ZNF333: variants seen among roughly 807,000 people sequenced by gnomAD.
ZNF333 encodes the protein zinc finger protein 333.
In ZNF333, 61 loss-of-function variants were observed where a neutral mutation model predicts 76.1. The observed-to-expected ratio is 0.80, with a 90% CI of 0.65 to 0.99. The LOEUF (loss-of-function observed/expected upper bound fraction) is 0.99, where lower values mean the gene tolerates loss of function less well. Ranked by LOEUF, ZNF333 falls within the 50% of genes least tolerant of loss-of-function variation. The pLI, the probability that ZNF333 is intolerant of heterozygous loss-of-function variation, is 0.00. For missense variants in ZNF333, 717 were observed against 822.4 expected, an observed-to-expected ratio of 0.87 and a Z score of 1.57; for synonymous variants, 284 against 305.0, an observed-to-expected ratio of 0.93 and a Z score of 0.72.
At chr19:14,725,310 A>G (rs1390646626), downstream of ZNF333, among the ~76,000 whole-genome samples, 1 of 152,168 alleles carries the variant, frequency 6.6e-6, no homozygotes, top group Non-Finnish European at 1.5e-5. Flanking sequence ...CATCTCCAAT[A>G]TTGGGGATTA....
chr19:14,700,954 C>T (rs891533959), intron 5 of ZNF333, among the ~76,000 whole-genome samples: 1 of 152,164 alleles, frequency 6.6e-6, no homozygotes, highest in African/African-American at 2.4e-5. Flanking sequence ...AGCCTCAACC[C>T]TGTGCAGCTT....
chr19:14,706,963 C>T, intron 7 of ZNF333, 190 bp downstream of exon 7: 1 of 528,860 alleles, frequency 1.9e-6, no homozygotes, highest in Non-Finnish European at 3.3e-6. Flanking sequence ...AGTGACAGAT[C>T]TTTAAGAAAG....
chr19:14,717,870 GGA>G, intron 11 of ZNF333, 137 bp downstream of exon 11: 1 of 807,620 alleles, frequency 1.2e-6, no homozygotes, highest in Non-Finnish European at 2.0e-6. Context: ...CAGTTTCTTG[GGA>G]GAGAGTCCGT....
At chr19:14,694,199 G>A (rs1003903949) in intron 2 of ZNF333, among the ~76,000 whole-genome samples, 2 of 151,972 alleles carry the variant, frequency 1.3e-5, no homozygotes, top group Non-Finnish European at 1.5e-5. Flanking sequence ...GAGGCCGGGC[G>A]TGGTGGCTCA....
intron 7 of ZNF333, among the ~76,000 whole-genome samples, chr19:14,714,039 G>C (rs1485123352): frequency 6.6e-6 from 1 of 152,156 alleles, no homozygotes; most frequent in Non-Finnish European, 1.5e-5. Flanking sequence ...GAGGTCACTG[G>C]TGATTCCAGG....
chr19:14,691,356 G>T (rs1423537651), intron 1 of ZNF333, among the ~76,000 whole-genome samples: 2 of 152,152 alleles, frequency 1.3e-5, no homozygotes, highest in Non-Finnish European at 2.9e-5. Context: ...GAACTTCAGG[G>T]AAAAGACGAT....
chr19:14,701,311 C>T (rs2041950842), intron 5 of ZNF333, among the ~76,000 whole-genome samples: 1 of 152,130 alleles, frequency 6.6e-6, no homozygotes, highest in Non-Finnish European at 1.5e-5. Context: ...ATCATAGCTC[C>T]CTGTAGCTTT....
Position 14,720,600 on chromosome 19 carries a change from CT to C in ZNF333, c.*1279del, listed in dbSNP as rs2042565347. 1.0e-6 allele frequency: 1 copy of C among 985,094 alleles called. No homozygotes were observed. The allele number at this position is 985,094 out of a possible 1,614,324, so 61.0% of individuals were successfully genotyped here. A position where few individuals can be genotyped will look rare whatever the true frequency, so the allele number is the denominator to read the frequency against. On this transcript the variant is annotated 3_prime_UTR_variant, in exon 12 of 12. Coordinates refer to ENST00000292530, the MANE Select transcript of ZNF333 (RefSeq NM_032433.4). ...ATGCACTTCTTACTGGTACAGTTTT[CT>C]TTTGTTTGTTTTTGTTTTTGGTGGG...
chr19:14,692,341 G>C (rs1246395895), intron 1 of ZNF333, among the ~76,000 whole-genome samples: 1 of 152,160 alleles, frequency 6.6e-6, no homozygotes, highest in Non-Finnish European at 1.5e-5. Context: ...GAGGAAACTT[G>C]AGAGAACATT....
chr19:14,700,565 T>C (rs2398597), intron 5 of ZNF333, among the ~76,000 whole-genome samples: 110,059 of 152,084 alleles, frequency 0.72, 41,495 homozygotes, highest in African/African-American at 0.93. Flanking sequence ...GCCTTCCATA[T>C]GAGCTTGTAC....
downstream of ZNF333, among the ~76,000 whole-genome samples, chr19:14,726,311 G>A (rs1410452695): frequency 1.3e-5 from 2 of 152,122 alleles, no homozygotes; most frequent in Non-Finnish European, 2.9e-5. Context: ...GGTTTGTGAT[G>A]GGAGAGGTGG....
chr19:14,702,826 T>C (rs564090659), intron 5 of ZNF333, among the ~76,000 whole-genome samples: 1 of 152,138 alleles, frequency 6.6e-6, no homozygotes, highest in South Asian at 2.1e-4. Context: ...ACTTACAACA[T>C]GGCGGCAGGG....
Position 14,693,430 on chromosome 19 carries a change from TCA to T in ZNF333, c.-41-20_-41-19del. ...TTCCGTCCTCACCCCTTCTTTTACCTCAGTGTCTCCTTTATTGCAGGGAGAAC... is the reference window on the plus strand; with the variant it reads ...TTCCGTCCTCACCCCTTCTTTTACCTGTGTCTCCTTTATTGCAGGGAGAAC... On this transcript the variant is annotated intron_variant, in intron 1 of 11. Coordinates refer to ENST00000292530, the MANE Select transcript of ZNF333 (RefSeq NM_032433.4). 2 of 1,567,710 alleles carry T rather than the reference TCA, an allele frequency of 1.3e-6. No homozygotes were observed. Among genetic ancestry groups the T allele is most frequent in the Middle Eastern group, 1.7e-4 (1 of 5,816 alleles).
At chr19:14,700,570 T>C (rs1973602901) in intron 5 of ZNF333, among the ~76,000 whole-genome samples, 1 of 152,172 alleles carries the variant, frequency 6.6e-6, no homozygotes, top group Non-Finnish European at 1.5e-5. Context: ...CCATATGAGC[T>C]TGTACATTAA....
At chr19:14,698,624 G>A (rs1973405184) in intron 4 of ZNF333, among the ~76,000 whole-genome samples, 1 of 151,910 alleles carries the variant, frequency 6.6e-6, no homozygotes, top group East Asian at 1.9e-4. Flanking sequence ...TGGATCACAA[G>A]GTCAGGAGTT....
chr19:14,725,447 A>G (rs1177925452), downstream of ZNF333, among the ~76,000 whole-genome samples: 4 of 152,190 alleles, frequency 2.6e-5, no homozygotes, highest in East Asian at 7.7e-4. Context: ...CCCCAAAGTC[A>G]TAAGTTGTTC....
intron 7 of ZNF333, chr19:14,708,070 C>T (rs904812083): frequency 6.1e-5 from 24 of 393,470 alleles, no homozygotes; most frequent in South Asian, 1.3e-4. Context: ...TGCAGTGGCA[C>T]GATCTCGGCT....
intron 8 of ZNF333, 42 bp from the exon 9 acceptor site, chr19:14,716,070 G>C (rs753848004): frequency 8.7e-6 from 14 of 1,611,688 alleles, no homozygotes; most frequent in East Asian, 2.2e-5. Flanking sequence ...GCGTACTGGT[G>C]GGGGTGGTCC....
chr19:14,723,677 TG>T (rs1473992841), downstream of ZNF333, among the ~76,000 whole-genome samples: 16 of 152,366 alleles, frequency 1.1e-4, no homozygotes, highest in Middle Eastern at 3.4e-3. Context: ...GAAATGCAAC[TG>T]TTTTTTTGTG....
Sources: gnomAD v4.1 joint callset for allele counts (sites outside exome capture counted in the v4.1 genomes callset) on GRCh38, gnomAD v4.1.1 for gene constraint, MANE v1.5 for transcripts, NCBI Gene and HGNC (gene_info 2026-07-23, HGNC 2026-07-21) for gene names.